BMPER: variants seen among roughly 807,000 people sequenced by gnomAD.
BMPER encodes BMP binding endothelial regulator, also known as BMP-binding endothelial regulator protein.
Under a neutral mutation model 87.3 loss-of-function variants are expected in BMPER, and 45 were observed. The ratio of observed to expected loss-of-function variants is 0.52; its 90% CI spans 0.41 to 0.66. BMPER has a LOEUF of 0.66. Among genes scored for constraint, BMPER ranks in the 30% least tolerant of loss-of-function variants. The probability of loss-of-function intolerance (pLI) is 0.00; values close to 1 mark genes in which losing one functional copy is unlikely to be tolerated. For synonymous variants in BMPER, 326 were observed against 316.2 expected (o/e 1.03, Z -0.33); for missense variants, 784 against 867.5 (o/e 0.90, Z 1.21).
At chr7:34,070,711 A>G (rs759817604) in intron 11 of BMPER, among the ~76,000 whole-genome samples, 2 of 151,876 alleles carry the variant, frequency 1.3e-5, no homozygotes, top group Non-Finnish European at 2.9e-5. Context: ...GTAAACTTAA[A>G]TGTGTTTTCT....
chr7:34,116,986 T>C (rs1009065116), intron 13 of BMPER, among the ~76,000 whole-genome samples: 4 of 149,850 alleles, frequency 2.7e-5, no homozygotes, highest in Non-Finnish European at 5.9e-5. Flanking sequence ...GGAGACCCTG[T>C]CTCCGAAAAA....
In BMPER at chr7:34,060,790, G is replaced by A. The variant is rs560669592; in HGVS notation, c.1033-1212G>A. Among the ~76,000 whole-genome samples the A allele has an allele frequency of 2.4e-4, 37 of 152,242 alleles. 2 individuals carry two copies. In the South Asian group the frequency reaches 3.1e-3, roughly 13 times the overall value. On this transcript the variant is annotated intron_variant, in intron 10 of 14. Coordinates refer to ENST00000649409, the MANE Select transcript of BMPER (RefSeq NM_001365308.1). ...TGTTTCCTTAGTTCCCTGTAAACAG[G>A]GGATAAGGACAACTGCATGTGGAGG... is the stretch of plus-strand genomic sequence containing the variant.
At chr7:33,999,103 G>T (rs949623126) in intron 6 of BMPER, among the ~76,000 whole-genome samples, 2 of 152,218 alleles carry the variant, frequency 1.3e-5, no homozygotes, top group African/African-American at 2.4e-5. Context: ...GGGGTGCTTC[G>T]CACCATTCTC....
At chr7:34,000,600 C>T (rs1183469451) in intron 6 of BMPER, among the ~76,000 whole-genome samples, 1 of 151,986 alleles carries the variant, frequency 6.6e-6, no homozygotes, top group Non-Finnish European at 1.5e-5. Context: ...GTCTCTCTCT[C>T]CCAGCAGAGA....
chr7:34,027,332 A>G (rs541432354), intron 6 of BMPER, among the ~76,000 whole-genome samples: 18 of 152,236 alleles, frequency 1.2e-4, no homozygotes, highest in Admixed American at 1.1e-3. Flanking sequence ...GAGCAAGACA[A>G]TGACATGAGG....
intron 2 of BMPER, among the ~76,000 whole-genome samples, chr7:33,916,865 T>C (rs1003984819): frequency 2.6e-5 from 4 of 151,726 alleles, no homozygotes; most frequent in Non-Finnish European, 5.9e-5. Context: ...TTGGGATAGC[T>C]CCCCCCAGAA....
chr7:34,097,696 C>T (rs1789565649), intron 13 of BMPER, among the ~76,000 whole-genome samples: 1 of 151,992 alleles, frequency 6.6e-6, no homozygotes, highest in Admixed American at 6.6e-5. Flanking sequence ...AATCATTGTG[C>T]CAGGTGAGGA....
intron 13 of BMPER, among the ~76,000 whole-genome samples, chr7:34,122,546 C>T (rs1172550653): frequency 6.6e-6 from 1 of 152,138 alleles, no homozygotes; most frequent in Admixed American, 6.5e-5. Context: ...GTGAATTTGC[C>T]TGCACACAGA....
chr7:34,118,199 G>T (rs1004258093), intron 13 of BMPER, among the ~76,000 whole-genome samples: 1 of 152,068 alleles, frequency 6.6e-6, no homozygotes, highest in Non-Finnish European at 1.5e-5. Context: ...CAGCTACTCA[G>T]GAGGCTAAGG....
At chr7:33,956,140 C>T (rs975687457) in intron 3 of BMPER, among the ~76,000 whole-genome samples, 16 of 151,712 alleles carry the variant, frequency 1.1e-4, no homozygotes, top group African/African-American at 2.4e-4. Flanking sequence ...TCGTAGAAAA[C>T]GTATGTAGGA....
At chr7:33,983,665 TA>T (rs1181702716) in intron 6 of BMPER, among the ~76,000 whole-genome samples, 1 of 152,188 alleles carries the variant, frequency 6.6e-6, no homozygotes. Flanking sequence ...ACTGAAGCCA[TA>T]AACTGCCTGA....
chr7:33,988,293 G>A (rs903578836), intron 6 of BMPER, among the ~76,000 whole-genome samples: 17 of 152,112 alleles, frequency 1.1e-4, no homozygotes, highest in Admixed American at 9.8e-4. Context: ...TCAGTGTCAA[G>A]TTCAACAACA....
intron 10 of BMPER, among the ~76,000 whole-genome samples, chr7:34,059,512 GC>G (rs1788375856): frequency 1.0e-5 from 1 of 97,742 alleles, no homozygotes; most frequent in South Asian, 3.3e-4. Context: ...GCCTTTCCCT[GC>G]CCCACCCACC....
chr7:33,980,769 G>A (rs1052022226), intron 6 of BMPER, among the ~76,000 whole-genome samples: 7 of 152,116 alleles, frequency 4.6e-5, no homozygotes, highest in East Asian at 1.9e-4. Flanking sequence ...TGACAAAGGC[G>A]TATTAAGTTC....
At chr7:34,079,607 G>GAA (rs970325083) in intron 12 of BMPER, among the ~76,000 whole-genome samples, 1 of 152,214 alleles carries the variant, frequency 6.6e-6, no homozygotes, top group African/African-American at 2.4e-5. Context: ...ACATCTGGGA[G>GAA]AAATAGTGTT....
intron 3 of BMPER, among the ~76,000 whole-genome samples, chr7:33,948,105 G>A (rs542634557): frequency 1.5e-3 from 223 of 152,278 alleles, no homozygotes; most frequent in Non-Finnish European, 2.6e-3. Context: ...CCAAACAAAA[G>A]CGTGGTTCTT....
At chr7:34,089,759 C>T (rs1266710023) in intron 13 of BMPER, among the ~76,000 whole-genome samples, 2 of 152,168 alleles carry the variant, frequency 1.3e-5, no homozygotes, top group South Asian at 2.1e-4. Context: ...GCTGGGATTA[C>T]AGGTGTGAGC....
At chr7:34,069,403 A>G (rs1004379374) in intron 11 of BMPER, among the ~76,000 whole-genome samples, 6 of 152,220 alleles carry the variant, frequency 3.9e-5, no homozygotes, top group Non-Finnish European at 8.8e-5. Flanking sequence ...TGCCTCTGCA[A>G]TTGCTCCTAT....
intron 6 of BMPER, among the ~76,000 whole-genome samples, chr7:34,029,200 G>C (rs189507023): frequency 6.6e-6 from 1 of 152,032 alleles, no homozygotes; most frequent in Admixed American, 6.6e-5. Context: ...TTTGACTATA[G>C]ATATAAAATT....
Sources: gnomAD v4.1 joint callset for allele counts (sites outside exome capture counted in the v4.1 genomes callset) on GRCh38, gnomAD v4.1.1 for gene constraint, MANE v1.5 for transcripts, NCBI Gene and HGNC (gene_info 2026-07-23, HGNC 2026-07-21) for gene names.